Variants in SAMD4A observed in about 807,000 individuals in gnomAD.
The protein encoded by SAMD4A is protein Smaug homolog 1.
Under a neutral mutation model 81.3 loss-of-function variants are expected in SAMD4A, and 33 were observed. The ratio of observed to expected loss-of-function variants is 0.41; its 90% CI spans 0.31 to 0.54. The LOEUF (loss-of-function observed/expected upper bound fraction) is 0.54, where lower values mean the gene tolerates loss of function less well. Ranked by LOEUF, SAMD4A falls within the 20% of genes least tolerant of loss-of-function variation. SAMD4A has a pLI of 0.37. For missense variants in SAMD4A, 854 were observed against 951.1 expected (o/e 0.90, Z 1.34); for synonymous variants, 389 against 382.1 (o/e 1.02, Z -0.21).
Position 54,716,695 on chromosome 14 carries a change from A to G in SAMD4A, c.715+14115A>G, listed in dbSNP as rs185808342. ...ATAAAGTATTGAAAACAAATACTGAAAAGATTTCTGTAGATGATTTTTTTG... is the reference window on the plus strand; with the variant it reads ...ATAAAGTATTGAAAACAAATACTGAGAAGATTTCTGTAGATGATTTTTTTG... On this transcript the variant is annotated intron_variant, in intron 3 of 12. Transcript: ENST00000554335. 4.6e-5 allele frequency among the ~76,000 whole-genome samples: 7 copies of G among 152,292 alleles called. No homozygotes were observed. The East Asian group carries it at 9.6e-4, about 21-fold the overall frequency.
chr14:54,683,943 G>A (rs1400973406), intron 2 of SAMD4A, among the ~76,000 whole-genome samples: 4 of 152,262 alleles, frequency 2.6e-5, no homozygotes, highest in East Asian at 3.9e-4. Context: ...TATTGCCATA[G>A]AAAAGAGTTT....
At chr14:54,568,253 A>G in intron 2 of SAMD4A, 141 bp downstream of exon 2, 1 of 725,308 alleles carries the variant, frequency 1.4e-6, no homozygotes, top group Non-Finnish European at 2.0e-6. Flanking sequence ...GGCCCTCGGA[A>G]TCCACCCCCT....
chr14:54,663,743 C>T (rs2035694934), intron 2 of SAMD4A, among the ~76,000 whole-genome samples: 1 of 152,110 alleles, frequency 6.6e-6, no homozygotes, highest in Non-Finnish European at 1.5e-5. Context: ...TTGGTTGAAC[C>T]TAGGGGAGGT....
At chr14:54,720,859 T>A (rs1186880972) in intron 3 of SAMD4A, among the ~76,000 whole-genome samples, 1 of 152,132 alleles carries the variant, frequency 6.6e-6, no homozygotes, top group African/African-American at 2.4e-5. Flanking sequence ...TTCATGGAAG[T>A]TCTACCACAT....
intron 2 of SAMD4A, among the ~76,000 whole-genome samples, chr14:54,687,787 G>T (rs1266589724): frequency 2.6e-5 from 4 of 152,196 alleles, no homozygotes; most frequent in African/African-American, 9.6e-5. Flanking sequence ...AGGGCCTCAA[G>T]AAATGTTTGA....
intron 2 of SAMD4A, among the ~76,000 whole-genome samples, chr14:54,641,268 A>T (rs2035167702): frequency 6.6e-6 from 1 of 152,236 alleles, no homozygotes; most frequent in African/African-American, 2.4e-5. Context: ...GTTATCAGTA[A>T]AGGCATTATC....
intron 2 of SAMD4A, among the ~76,000 whole-genome samples, chr14:54,603,794 ATTTGTTTG>A (rs200892616): frequency 1.2e-3 from 171 of 146,380 alleles, no homozygotes; most frequent in African/African-American, 3.9e-3. Flanking sequence ...CCATTATTTT[ATTTGTTTG>A]TTTGTTTGTT....
At chr14:54,693,073 G>C (rs2036491582) in intron 2 of SAMD4A, 1 of 151,746 alleles carries the variant, frequency 6.6e-6, no homozygotes, top group Non-Finnish European at 1.5e-5. Context: ...TTTTGCTTTT[G>C]TTTTCTAGCA....
At chr14:54,630,906 A>ATGTG (rs780859854) in intron 2 of SAMD4A, among the ~76,000 whole-genome samples, 19 of 65,552 alleles carry the variant, frequency 2.9e-4, no homozygotes, top group Admixed American at 7.2e-4. Context: ...CTTGTATTTT[A>ATGTG]TATGTGTGTG....
intron 2 of SAMD4A, among the ~76,000 whole-genome samples, chr14:54,584,518 A>C (rs1023139437): frequency 6.6e-6 from 1 of 152,240 alleles, no homozygotes; most frequent in African/African-American, 2.4e-5. Context: ...AGACTCTGTC[A>C]AGTTAACCAT....
chr14:54,621,291 C>T lies in SAMD4A; in HGVS notation c.196+53179C>T, dbSNP rs897114285. On this transcript the variant is annotated intron_variant, in intron 2 of 12. Transcript: ENST00000554335. Reference sequence around the variant, plus strand: ...CCAGATGTCACAAAGCAAGACCCTCCTGGTTAAAAATGCCTGAAGACCACT... The same window carrying T: ...CCAGATGTCACAAAGCAAGACCCTCTTGGTTAAAAATGCCTGAAGACCACT... Among the ~76,000 whole-genome samples, 7 of 152,212 alleles carry T rather than the reference C, an allele frequency of 4.6e-5. 1 individual carries two copies. The highest frequency in any genetic ancestry group is 8.8e-5 in the Non-Finnish European group (6 of 68,032).
intron 2 of SAMD4A, among the ~76,000 whole-genome samples, chr14:54,688,948 T>TTTTTTTTA (rs2036355905): frequency 6.8e-6 from 1 of 147,950 alleles, no homozygotes; most frequent in Admixed American, 6.7e-5. Flanking sequence ...TTTTTTTTTT[T>TTTTTTTTA]GAGGCGGAGT....
intron 2 of SAMD4A, among the ~76,000 whole-genome samples, chr14:54,681,195 A>G (rs1365212175): frequency 1.3e-5 from 1 of 78,044 alleles, no homozygotes; most frequent in African/African-American, 6.2e-5. Context: ...CAGCCCCCCA[A>G]CCCCCCAACC....
chr14:54,769,320 A>T (rs2038641064), intron 8 of SAMD4A, among the ~76,000 whole-genome samples: 1 of 152,200 alleles, frequency 6.6e-6, no homozygotes, highest in African/African-American at 2.4e-5. Flanking sequence ...TCCTTGGGTG[A>T]TTCTAATATA....
rs371964336 is a variant in SAMD4A, at chr14:54,702,558, G to A, written c.693G>A (p.Thr231=). The A allele has an allele frequency of 4.3e-5, 70 of 1,613,932 alleles. No homozygotes were observed. In the African/African-American group the frequency reaches 6.9e-4, roughly 16 times the overall value. ...CATCTGTCCCCACCACAATCAATACGATTGGAACCAGCACAAGTACAAGTA... is the reference window on the plus strand; with the variant it reads ...CATCTGTCCCCACCACAATCAATACAATTGGAACCAGCACAAGTACAAGTA... ...SSSSVPTTIN[T]IGTSTSTILS... Residue 231 remains threonine, a synonymous_variant, in exon 3 of 13, where the codon ACG becomes ACA. Coordinates refer to ENST00000554335, the MANE Select transcript of SAMD4A (RefSeq NM_015589.6).
At chr14:54,578,356 AAG>A (rs576438626) in intron 2 of SAMD4A, among the ~76,000 whole-genome samples, 4 of 151,428 alleles carry the variant, frequency 2.6e-5, no homozygotes, top group Non-Finnish European at 4.4e-5. Flanking sequence ...GCAGAGGAGA[AAG>A]AGAGAGAGAG....
intron 3 of SAMD4A, chr14:54,703,820 GATTGTGCCATTGC>G (rs1353617800): frequency 2.0e-5 from 3 of 152,166 alleles, no homozygotes; most frequent in Non-Finnish European, 4.4e-5. Flanking sequence ...AGTGAGATGA[GATTGTGCCATTGC>G]ACTTCAGCCT....
At chr14:54,738,705 G>A (rs1021118453) in intron 4 of SAMD4A, among the ~76,000 whole-genome samples, 2 of 152,232 alleles carry the variant, frequency 1.3e-5, no homozygotes, top group African/African-American at 2.4e-5. Flanking sequence ...TGAGCCCCAG[G>A]TGATGCGTAG....
intron 2 of SAMD4A, among the ~76,000 whole-genome samples, chr14:54,678,433 T>TGTGTGTGTGTGTGTGTGTGTG (rs2036040355): frequency 4.9e-5 from 4 of 81,252 alleles, no homozygotes; most frequent in Admixed American, 3.2e-4. Context: ...CAGTCACCAT[T>TGTGTGTGTGTGTGTGTGTGTG]TGTGTGTGTG....
Sources: gnomAD v4.1 joint callset for allele counts (sites outside exome capture counted in the v4.1 genomes callset) on GRCh38, gnomAD v4.1.1 for gene constraint, MANE v1.5 for transcripts, NCBI Gene and HGNC (gene_info 2026-07-23, HGNC 2026-07-21) for gene names.